Variants in FAM135B observed in about 807,000 individuals in gnomAD.
FAM135B encodes the protein protein FAM135B.
In FAM135B, 43 loss-of-function variants were observed where a neutral mutation model predicts 127.7. The ratio of observed to expected loss-of-function variants is 0.34; its 90% CI spans 0.26 to 0.43. The LOEUF is 0.43. FAM135B is among the 20% of genes least tolerant of loss of function. The pLI is 1.00. For missense variants in FAM135B, 1,558 were observed against 1,725.6 expected (o/e 0.90, Z 1.72); for synonymous variants, 670 against 665.1 (o/e 1.01, Z -0.11).
At position 138,143,078 on chromosome 8, in the gene FAM135B, G is replaced by A. The variant is rs1473329880; in HGVS notation, c.3572C>T (p.Thr1191Met). The A allele has an allele frequency of 1.2e-6, 2 of 1,608,434 alleles. No individual in the cohort carries two copies. Among genetic ancestry groups the A allele is most frequent in the Non-Finnish European group, 1.7e-6 (2 of 1,174,964 alleles). ...MDTFADFDTM[T>M]DRLLDEIIQH... ...AATGATTTCATCCAATAACCGATCCGTCATAGTATCAAAATCTGCAAATGT... is the reference window on the plus strand; with the variant it reads ...AATGATTTCATCCAATAACCGATCCATCATAGTATCAAAATCTGCAAATGT... Residue 1191 changes from threonine to methionine, a missense_variant, in exon 16 of 20, where the codon ACG (threonine) becomes ATG (methionine). By Grantham distance (81) the Thr-to-Met change is moderately conservative. Transcript: ENST00000395297.
chr8:138,222,987 T>C (rs1369446595), intron 7 of FAM135B, among the ~76,000 whole-genome samples: 4 of 152,130 alleles, frequency 2.6e-5, no homozygotes, highest in Non-Finnish European at 4.4e-5. Flanking sequence ...GACATGAGCC[T>C]CCTCCAACTG....
At chr8:138,218,284 A>G (rs2129985527) in intron 7 of FAM135B, among the ~76,000 whole-genome samples, 1 of 152,330 alleles carries the variant, frequency 6.6e-6, no homozygotes, top group East Asian at 1.9e-4. Context: ...TAAAAGCAGG[A>G]GAAGGAAAAA....
At chr8:138,193,509 T>C (rs1167849123) in intron 9 of FAM135B, among the ~76,000 whole-genome samples, 1 of 152,148 alleles carries the variant, frequency 6.6e-6, no homozygotes, top group Admixed American at 6.5e-5. Context: ...TGATGGGAAA[T>C]GGAAAAGCCG....
At chr8:138,318,823 C>A (rs1411237692) in intron 2 of FAM135B, among the ~76,000 whole-genome samples, 1 of 152,156 alleles carries the variant, frequency 6.6e-6, no homozygotes, top group Admixed American at 6.5e-5. Context: ...GTTTACATTT[C>A]AATTAGGTTG....
rs199938969 is a variant in FAM135B, at chr8:138,152,343, C to G, written c.2132G>C (p.Arg711Pro). ...RSRALELPSD[R>P]EVLHPFVRRH... ...TCGAACAAACGGGTGCAAGACTTCC[C>G]GATCACTGGGCAACTCCAGAGCCCT... The change falls in exon 13 of 20, where the codon CGG (arginine) becomes CCG (proline). Residue 711 changes from arginine (R) to proline (P), a missense_variant. Coordinates refer to ENST00000395297, the MANE Select transcript of FAM135B (RefSeq NM_015912.4). 6.2e-7 allele frequency: 1 copy of G among 1,614,140 alleles called. No individual in the cohort carries two copies. The highest frequency in any genetic ancestry group is 8.5e-7 in the Non-Finnish European group (1 of 1,180,032).
chr8:138,143,838 G>C (rs2130635855), intron 15 of FAM135B, among the ~76,000 whole-genome samples: 1 of 152,348 alleles, frequency 6.6e-6, no homozygotes, highest in Admixed American at 6.5e-5. Flanking sequence ...GCTAGGAAAA[G>C]TGAATAGGAT....
chr8:138,265,160 G>A (rs1822817626), intron 4 of FAM135B, among the ~76,000 whole-genome samples: 1 of 152,170 alleles, frequency 6.6e-6, no homozygotes, highest in Admixed American at 6.5e-5. Context: ...GGTGAATTCA[G>A]CATGTGCATC....
intron 7 of FAM135B, among the ~76,000 whole-genome samples, chr8:138,213,586 G>A (rs1450085219): frequency 6.6e-6 from 1 of 151,486 alleles, no homozygotes; most frequent in Non-Finnish European, 1.5e-5. Context: ...AGCTTTTGGA[G>A]ATAGAATTTT....
chr8:138,341,664 A>G (rs1236142823), intron 2 of FAM135B, among the ~76,000 whole-genome samples: 1 of 152,228 alleles, frequency 6.6e-6, no homozygotes, highest in East Asian at 1.9e-4. Flanking sequence ...GACTTGGGCC[A>G]CTGCAAGAAT....
chr8:138,190,554 G>C (rs1359644201), intron 9 of FAM135B, among the ~76,000 whole-genome samples: 1 of 152,200 alleles, frequency 6.6e-6, no homozygotes, highest in Admixed American at 6.5e-5. Context: ...ACCCTGCAAA[G>C]CTGCGTCTTT....
intron 2 of FAM135B, among the ~76,000 whole-genome samples, chr8:138,311,335 C>T (rs1447981664): frequency 6.6e-6 from 1 of 152,220 alleles, no homozygotes; most frequent in Non-Finnish European, 1.5e-5. Context: ...ACAAAAACCA[C>T]TTCCTTTAGT....
At chr8:138,178,441 G>C in intron 10 of FAM135B, 94 bp downstream of exon 10, 2 of 1,450,964 alleles carry the variant, frequency 1.4e-6, no homozygotes, top group Non-Finnish European at 1.9e-6. Context: ...AAGATCTAGA[G>C]GCCAATCCTA....
chr8:138,354,607 A>C (rs1829975365), intron 2 of FAM135B, among the ~76,000 whole-genome samples: 1 of 152,150 alleles, frequency 6.6e-6, no homozygotes, highest in Non-Finnish European at 1.5e-5. Context: ...ACACTGTATC[A>C]GGAGCAACTT....
At position 138,191,109 on chromosome 8, in the gene FAM135B, A is replaced by T. The variant is rs116296151; in HGVS notation, c.873+4149T>A. On this transcript the variant is annotated intron_variant, in intron 9 of 19. Transcript: ENST00000395297. ...ATGGAGTTTGACTCTCTTCATCAAC[A>T]CCAGGCCCATGGAATAGGAGAACAA... Among the ~76,000 whole-genome samples the T allele has an allele frequency of 1.3e-3, 201 of 152,246 alleles. 2 individuals carry two copies. Among genetic ancestry groups the T allele is most frequent in the African/African-American group, 4.7e-3 (197 of 41,544 alleles).
At chr8:138,385,493 T>G (rs896500538) in intron 1 of FAM135B, among the ~76,000 whole-genome samples, 1 of 151,718 alleles carries the variant, frequency 6.6e-6, no homozygotes, top group Non-Finnish European at 1.5e-5. Flanking sequence ...GATTTAGGAG[T>G]TGAACATTGA....
chr8:138,177,323 A>G, intron 11 of FAM135B, 24 bp downstream of exon 11: 2 of 1,608,322 alleles, frequency 1.2e-6, no homozygotes, highest in Non-Finnish European at 1.7e-6. Flanking sequence ...TTAGGGATGA[A>G]GTGGGCATGC....
chr8:138,386,185 C>T (rs1034024873), intron 1 of FAM135B, among the ~76,000 whole-genome samples: 24 of 151,170 alleles, frequency 1.6e-4, no homozygotes, highest in African/African-American at 5.8e-4. Flanking sequence ...CATTGCACTT[C>T]AGCCTGAGCA....
rs201479302 is a variant in FAM135B, at chr8:138,162,916, T to TA, written c.1258+4978dup. On this transcript the variant is annotated intron_variant, in intron 12 of 19. Transcript: ENST00000395297. ...ACCACAGGTCATAGATTCTTGGAAT[T>TA]AAAAAAAAATTTTATCAGATTCATC... 4.1e-3 allele frequency among the ~76,000 whole-genome samples: 627 copies of TA among 151,990 alleles called. 10 individuals are homozygous for TA. The highest frequency in any genetic ancestry group is 0.015 in the African/African-American group (607 of 41,478).
chr8:138,132,552 C>A lies in FAM135B; in HGVS notation c.*41G>T, dbSNP rs373050321. The A allele has an allele frequency of 9.8e-6, 15 of 1,529,002 alleles. No individual in the cohort carries two copies. Among genetic ancestry groups the A allele is most frequent in the Non-Finnish European group, 1.4e-5 (15 of 1,104,076 alleles). The allele number at this position is 1,529,002 out of a possible 1,614,324, so 94.7% of individuals were successfully genotyped here. A position where few individuals can be genotyped will look rare whatever the true frequency, so the allele number is the denominator to read the frequency against. Reference sequence around the variant, plus strand: ...AGCAGGTCTCAGCTAAAGCTCTCCACCGATCGTAAGCATTACCAAAGACCT... The same window carrying A: ...AGCAGGTCTCAGCTAAAGCTCTCCAACGATCGTAAGCATTACCAAAGACCT... On this transcript the variant is annotated 3_prime_UTR_variant, in exon 20 of 20. Transcript: ENST00000395297. This position sits in a 1 kb window ranked among gnomAD's most constrained non-coding sequence, Gnocchi z 4.5.
Sources: allele counts gnomAD v4.1 joint callset (sites outside exome capture counted in the v4.1 genomes callset), GRCh38; gene constraint gnomAD v4.1.1; non-coding constraint Gnocchi (gnomAD v3.1); transcripts MANE v1.5; gene names NCBI Gene and HGNC (gene_info 2026-07-23, HGNC 2026-07-21).